Variants in CNTN3 observed in about 807,000 individuals in gnomAD.
The protein encoded by CNTN3 is contactin 3, also known as contactin-3.
A neutral mutation model predicts 119.1 loss-of-function variants in CNTN3; 60 were observed. The ratio of observed to expected loss-of-function variants is 0.50; its 90% confidence interval spans 0.41 to 0.62. The LOEUF is 0.62. CNTN3 is among the 20% of genes least tolerant of loss of function. The pLI, the probability that CNTN3 is intolerant of heterozygous loss-of-function variation, is 0.00. For synonymous variants in CNTN3, 450 were observed against 438.7 expected, an observed-to-expected ratio of 1.03 and a Z score of -0.32; for missense variants, 1,101 against 1,242.4, an observed-to-expected ratio of 0.89 and a Z score of 1.71.
intron 13 of CNTN3, among the ~76,000 whole-genome samples, chr3:74,303,237 T>C (rs6783359): frequency 0.028 from 4,274 of 152,158 alleles, 196 homozygotes; most frequent in African/African-American, 0.097. Flanking sequence ...GGGAGATAAA[T>C]GCAGCATGAC....
intron 1 of CNTN3, among the ~76,000 whole-genome samples, chr3:74,591,424 A>G (rs955378262): frequency 6.6e-6 from 1 of 151,972 alleles, no homozygotes; most frequent in African/African-American, 2.4e-5. Flanking sequence ...TTTCCCTGCA[A>G]GAGGCAGGAA....
intron 2 of CNTN3, among the ~76,000 whole-genome samples, chr3:74,505,110 A>G (rs1160133524): frequency 7.2e-5 from 11 of 151,728 alleles, no homozygotes; most frequent in Non-Finnish European, 4.4e-5. Context: ...CCCTTTTTTC[A>G]TATGGGCACC....
At chr3:74,383,030 G>A (rs1004783153) in intron 5 of CNTN3, among the ~76,000 whole-genome samples, 1 of 152,140 alleles carries the variant, frequency 6.6e-6, no homozygotes, top group Non-Finnish European at 1.5e-5. Flanking sequence ...TACCCCTGAA[G>A]AAATAGCTGA....
intron 12 of CNTN3, 52 bp downstream of exon 12, chr3:74,336,479 T>C: frequency 1.3e-6 from 2 of 1,581,490 alleles, no homozygotes; most frequent in Non-Finnish European, 1.7e-6. Context: ...CTCATAATAA[T>C]ACATCTTACA....
At chr3:74,522,106 G>A (rs1703551627) in intron 1 of CNTN3, among the ~76,000 whole-genome samples, 1 of 151,848 alleles carries the variant, frequency 6.6e-6, no homozygotes, top group African/African-American at 2.4e-5. Flanking sequence ...ATGGGTTCCT[G>A]ACATGTGGCG....
intron 2 of CNTN3, among the ~76,000 whole-genome samples, chr3:74,519,991 A>G (rs1043143365): frequency 6.6e-6 from 1 of 151,678 alleles, no homozygotes; most frequent in Non-Finnish European, 1.5e-5. Context: ...CTAAAAGTCT[A>G]TTCCAATCTA....
At chr3:74,327,670 C>T (rs1196783643) in intron 13 of CNTN3, among the ~76,000 whole-genome samples, 1 of 151,888 alleles carries the variant, frequency 6.6e-6, no homozygotes, top group African/African-American at 2.4e-5. Flanking sequence ...CAAAAATTAC[C>T]AGTAAAATTA....
At chr3:74,342,692 A>G (rs536660029) in intron 11 of CNTN3, among the ~76,000 whole-genome samples, 13 of 152,368 alleles carry the variant, frequency 8.5e-5, no homozygotes, top group African/African-American at 2.2e-4. Context: ...GCATATTAAC[A>G]TGACAAATAT....
chr3:74,445,296 T>A (rs373012999), intron 4 of CNTN3, among the ~76,000 whole-genome samples: 1 of 152,126 alleles, frequency 6.6e-6, no homozygotes, highest in South Asian at 2.1e-4. Flanking sequence ...AGGGTCTCCC[T>A]CTGATGCCCA....
intron 11 of CNTN3, among the ~76,000 whole-genome samples, chr3:74,338,506 G>GTA (rs1703455265): frequency 6.6e-6 from 1 of 151,258 alleles, no homozygotes; most frequent in South Asian, 2.1e-4. Flanking sequence ...GTGTGTGTGT[G>GTA]TATACACATA....
intron 3 of CNTN3, among the ~76,000 whole-genome samples, chr3:74,491,859 T>C (rs1559630389): frequency 6.6e-6 from 1 of 152,318 alleles, no homozygotes; most frequent in Non-Finnish European, 1.5e-5. Context: ...TTTTGAAATA[T>C]GAAAATTATG....
intron 4 of CNTN3, among the ~76,000 whole-genome samples, chr3:74,467,593 A>G (rs1702487998): frequency 1.4e-5 from 2 of 143,556 alleles, no homozygotes; most frequent in South Asian, 4.3e-4. Flanking sequence ...AAATTATGGT[A>G]CATGATACAC....
intron 2 of CNTN3, among the ~76,000 whole-genome samples, chr3:74,518,568 G>C (rs1703490545): frequency 6.6e-6 from 1 of 151,858 alleles, no homozygotes; most frequent in African/African-American, 2.4e-5. Context: ...TTCCAAATCT[G>C]CTTTGAGATT....
intron 4 of CNTN3, among the ~76,000 whole-genome samples, chr3:74,447,418 A>G (rs1056833913): frequency 6.6e-5 from 10 of 152,232 alleles, no homozygotes; most frequent in Non-Finnish European, 1.2e-4. Context: ...TGTAATCCAT[A>G]TGGGTCCCCT....
chr3:74,331,135 AC>A (rs1703254790), intron 13 of CNTN3, among the ~76,000 whole-genome samples: 1 of 152,212 alleles, frequency 6.6e-6, no homozygotes, highest in African/African-American at 2.4e-5. Context: ...ACCTTCACTC[AC>A]CACTCACTCA....
intron 22 of CNTN3, among the ~76,000 whole-genome samples, chr3:74,265,992 G>A (rs904337127): frequency 3.9e-5 from 6 of 152,110 alleles, no homozygotes; most frequent in Middle Eastern, 3.4e-3. Flanking sequence ...GGAAAAATTC[G>A]TATGAACCTC....
At chr3:74,370,775 T>G (rs968783809) in intron 6 of CNTN3, among the ~76,000 whole-genome samples, 11 of 152,120 alleles carry the variant, frequency 7.2e-5, no homozygotes, top group Non-Finnish European at 1.2e-4. Flanking sequence ...AATGGTTTCT[T>G]TAGTGATGAT....
At chr3:74,393,359 G>A (rs1704962060) in intron 5 of CNTN3, among the ~76,000 whole-genome samples, 1 of 152,182 alleles carries the variant, frequency 6.6e-6, no homozygotes, top group Non-Finnish European at 1.5e-5. Context: ...GATTGTTGGT[G>A]TTTAAATGTG....
intron 2 of CNTN3, among the ~76,000 whole-genome samples, chr3:74,518,848 C>T (rs1457832362): frequency 4.0e-5 from 6 of 151,894 alleles, no homozygotes; most frequent in Non-Finnish European, 8.8e-5. Context: ...TACACTGCAA[C>T]TATCACTGTG....
Sources: allele counts gnomAD v4.1 joint callset (sites outside exome capture counted in the v4.1 genomes callset), GRCh38; gene constraint gnomAD v4.1.1; transcripts MANE v1.5; gene names NCBI Gene and HGNC (gene_info 2026-07-23, HGNC 2026-07-21).